Variants in RAB33A observed in about 807,000 individuals in gnomAD.
RAB33A encodes the protein RAB33A, member RAS oncogene family.
In RAB33A, 6 loss-of-function variants were observed where a neutral mutation model predicts 12.0. The ratio of observed to expected loss-of-function variants is 0.50; its 90% CI spans 0.27 to 0.99. The LOEUF (loss-of-function observed/expected upper bound fraction) is 0.99. RAB33A is among the 50% of genes least tolerant of loss of function. RAB33A has a pLI of 0.11. For missense variants in RAB33A, 109 were observed against 192.0 expected (o/e 0.57, Z 2.55); for synonymous variants, 70 against 82.4 (o/e 0.85, Z 0.81).
At position 130,182,529 on chromosome X, in the gene RAB33A, C is replaced by T. The variant is rs758406172; in HGVS notation, c.259-1756C>T. 1.4e-3 allele frequency among the ~76,000 whole-genome samples: 155 copies of T among 109,533 alleles called. 1 individual carries two copies. Among genetic ancestry groups the T allele is most frequent in the African/African-American group, 4.8e-3 (144 of 30,175 alleles). On this transcript the variant is annotated intron_variant, in intron 1 of 1. Transcript: ENST00000257017. ...CAGCTCTTTGGGAAGCCGAGGCAGG[C>T]GGATCACCTGAGATCGGGAGTTCAA...
the RAB33A span, among the ~76,000 whole-genome samples, chrX:130,114,312 G>T: frequency 1.8e-5 from 2 of 111,643 alleles, no homozygotes; most frequent in East Asian, 2.8e-4. Flanking sequence ...CATGATCTGC[G>T]CGTTGCAGCC....
the RAB33A span, among the ~76,000 whole-genome samples, chrX:130,148,833 C>CAAAAAA: frequency 4.6e-5 from 1 of 21,524 alleles, no homozygotes; most frequent in Non-Finnish European, 7.3e-5. Flanking sequence ...AACTCCATCT[C>CAAAAAA]AAAAAAAAAA....
chrX:130,131,842 A>C, the RAB33A span: 13 of 1,200,111 alleles, frequency 1.1e-5, no homozygotes, highest in African/African-American at 1.8e-5. Context: ...GACTGTAAGG[A>C]ATGACACGGT....
chrX:130,155,727 T>A, the RAB33A span, among the ~76,000 whole-genome samples: 2 of 112,303 alleles, frequency 1.8e-5, no homozygotes, highest in South Asian at 7.3e-4. Context: ...AGGTGTTATC[T>A]AAGTTGGTTC....
rs1300043526 is a variant in RAB33A at position 130,177,946 on chromosome X, G to A, written c.258+5626G>A. On this transcript the variant is annotated intron_variant, in intron 1 of 1. Transcript: ENST00000257017. Reference sequence around the variant, plus strand: ...GGTGAGAGGAGAGGCAGCTGCGAAAGAGGAAGGAGATGCTTTCACTGCTTG... The same window carrying A: ...GGTGAGAGGAGAGGCAGCTGCGAAAAAGGAAGGAGATGCTTTCACTGCTTG... Among the ~76,000 whole-genome samples the A allele has an allele frequency of 9.8e-5, 11 of 112,351 alleles. No homozygotes were observed. The Admixed American group carries it at 1.0e-3, about 11-fold the overall frequency.
chrX:130,115,101 G>C, the RAB33A span, among the ~76,000 whole-genome samples: 1 of 111,583 alleles, frequency 9.0e-6, no homozygotes, highest in East Asian at 2.8e-4. Flanking sequence ...GCCATGCCTG[G>C]CCTTTATCTC....
At chrX:130,138,062 CAAAAAA>C in the RAB33A span, 2 of 39,992 alleles carry the variant, frequency 5.0e-5, no homozygotes. Flanking sequence ...AACTCCATCT[CAAAAAA>C]AAAAAAAAAA....
At chrX:130,152,860 A>C in the RAB33A span, among the ~76,000 whole-genome samples, 1 of 112,248 alleles carries the variant, frequency 8.9e-6, no homozygotes, top group Non-Finnish European at 1.9e-5. Flanking sequence ...TCAATTTAGT[A>C]GGCTGCAACC....
the RAB33A span, chrX:130,129,746 C>T: frequency 1.3e-6 from 1 of 782,694 alleles, no homozygotes. Flanking sequence ...GTTGTGGGAA[C>T]AGTTCTCTAC....
At chrX:130,128,263 T>C in the RAB33A span, among the ~76,000 whole-genome samples, 1 of 111,495 alleles carries the variant, frequency 9.0e-6, no homozygotes, top group African/African-American at 3.3e-5. Context: ...AGTAACAAAT[T>C]CCTCTTAAAT....
the RAB33A span, among the ~76,000 whole-genome samples, chrX:130,141,215 T>C: frequency 8.0e-5 from 9 of 112,340 alleles, no homozygotes; most frequent in Non-Finnish European, 1.7e-4. Context: ...GAATGAGTTC[T>C]TGACCTAAAG....
chrX:130,182,891 C>T (rs1307775522), intron 1 of RAB33A, among the ~76,000 whole-genome samples: 2 of 111,188 alleles, frequency 1.8e-5, no homozygotes, highest in East Asian at 2.8e-4. Flanking sequence ...TCCCACTGTA[C>T]GGATATATTT....
the RAB33A span, among the ~76,000 whole-genome samples, chrX:130,111,144 G>T: frequency 4.3e-3 from 470 of 108,839 alleles, 4 homozygotes; most frequent in South Asian, 0.011. Flanking sequence ...TCCCCTCGCG[G>T]CTCGCTCGCG....
the RAB33A span, among the ~76,000 whole-genome samples, chrX:130,134,246 AAG>A: frequency 9.0e-6 from 1 of 110,555 alleles, no homozygotes; most frequent in African/African-American, 3.3e-5. Flanking sequence ...CAAAAAAAAA[AAG>A]AAAAAAAAAT....
At chrX:130,150,546 G>A in the RAB33A span, among the ~76,000 whole-genome samples, 5 of 103,798 alleles carry the variant, frequency 4.8e-5, no homozygotes, top group Non-Finnish European at 9.9e-5. Context: ...CGTTTTAGCC[G>A]GGATGGTCTC....
At chrX:130,174,992 T>C (rs1331546649) in intron 1 of RAB33A, among the ~76,000 whole-genome samples, 1 of 110,649 alleles carries the variant, frequency 9.0e-6, no homozygotes, top group Non-Finnish European at 1.9e-5. Flanking sequence ...CTCCAATGAG[T>C]AGGCAATAAT....
At chrX:130,120,991 C>G in the RAB33A span, among the ~76,000 whole-genome samples, 2 of 112,872 alleles carry the variant, frequency 1.8e-5, no homozygotes, top group Non-Finnish European at 3.8e-5. Context: ...GGCCTCCCTT[C>G]GCCGCCTCAG....
intron 1 of RAB33A, among the ~76,000 whole-genome samples, chrX:130,174,919 AC>A (rs1474731232): frequency 1.8e-5 from 2 of 110,144 alleles, no homozygotes; most frequent in African/African-American, 6.6e-5. Flanking sequence ...CCCCACCCTC[AC>A]CCCATCAAAG....
chrX:130,164,248 C>T, the RAB33A span, among the ~76,000 whole-genome samples: 3 of 111,172 alleles, frequency 2.7e-5, no homozygotes. Flanking sequence ...ATACACAAAA[C>T]CCTCAAAGAT....
Sources: allele counts gnomAD v4.1 joint callset (sites outside exome capture counted in the v4.1 genomes callset), GRCh38; gene constraint gnomAD v4.1.1; transcripts MANE v1.5; gene names NCBI Gene and HGNC (gene_info 2026-07-23, HGNC 2026-07-21).